Variants in NUPR1 observed in about 807,000 individuals in gnomAD.
NUPR1 encodes the protein nuclear protein 1.
In NUPR1, 8 loss-of-function variants were observed where a neutral mutation model predicts 7.3. That is an observed-to-expected ratio of 1.09 (90% CI 0.64 to 1.97). The LOEUF (loss-of-function observed/expected upper bound fraction) is 1.97. Among genes scored for constraint, NUPR1 ranks in the 30% most tolerant of loss-of-function variants. NUPR1 has a pLI of 0.00. For synonymous variants in NUPR1, 39 were observed against 44.5 expected (o/e 0.88, Z 0.49); for missense variants, 96 against 111.7 (o/e 0.86, Z 0.63).
At position 28,538,124 on chromosome 16, in the gene NUPR1, T is replaced by C. The variant is rs1401585135; in HGVS notation, c.144A>G (p.Arg48=). 1 of 1,614,150 alleles carries C rather than the reference T, an allele frequency of 6.2e-7. No individual in the cohort carries two copies. The highest frequency in any genetic ancestry group is 1.1e-5 in the South Asian group (1 of 91,082). ...GGCGGTTGGTGTTGGCAGCAGCTTC[T>C]CTCTTGGTGCGACCTTTCCGGCCTC... The part of the protein sequence containing the change: ...GGGGRKGRTK[R]EAAANTNRPS... Residue 48 remains arginine (R), a synonymous_variant, in exon 2 of 3, where the codon AGA becomes AGG. Coordinates refer to ENST00000324873, the MANE Select transcript of NUPR1 (RefSeq NM_012385.3).
In NUPR1 at chr16:28,535,966, C is replaced by T. The variant is rs1490374230; in HGVS notation, c.*1717G>A. 1 of 152,192 alleles carries T rather than the reference C, an allele frequency of 6.6e-6. No individual in the cohort carries two copies. Among genetic ancestry groups the T allele is most frequent in the Non-Finnish European group, 1.5e-5 (1 of 68,134 alleles). The allele number at this position is 152,192 out of a possible 1,614,324, so 9.4% of individuals were successfully genotyped here. A position where few individuals can be genotyped will look rare whatever the true frequency, so the allele number is the denominator to read the frequency against. Reference sequence around the variant, plus strand: ...CCTCAAGCGATCCTCCCTCCTTGGCCTCCCAAAGGCTGGAAGGCTGAGGTG... The same window carrying T: ...CCTCAAGCGATCCTCCCTCCTTGGCTTCCCAAAGGCTGGAAGGCTGAGGTG... On this transcript the variant is annotated 3_prime_UTR_variant, in exon 3 of 3. Coordinates refer to ENST00000324873, the MANE Select transcript of NUPR1 (RefSeq NM_012385.3).
In NUPR1 at chr16:28,535,603, T is replaced by TC. The variant is rs1491126552; in HGVS notation, c.*2079dup. 124 of 5,410 alleles carry TC rather than the reference T, an allele frequency of 0.023. 2 individuals carry two copies. The highest frequency in any genetic ancestry group is 0.049 in the Admixed American group (11 of 224). The allele number at this position is 5,410 out of a possible 1,614,324, so 0.3% of individuals were successfully genotyped here. A position where few individuals can be genotyped will look rare whatever the true frequency, so the allele number is the denominator to read the frequency against. On this transcript the variant is annotated 3_prime_UTR_variant, in exon 3 of 3. Coordinates refer to ENST00000324873, the MANE Select transcript of NUPR1 (RefSeq NM_012385.3). ...TTCTTTCTTTCTTTCTTTCTTTCTT[T>TC]CTTTCTTTCTTTCTTTCTTCTCTTT...
In NUPR1 at chr16:28,538,785, G is replaced by A. The variant is rs756810181; in HGVS notation, c.112+11C>T. On this transcript the variant is annotated intron_variant, in intron 1 of 2. Transcript: ENST00000324873. ...GAGGAAGGACCGTGGAGATGGCTGA[G>A]TGGGCCTTACCGAGGTAGGAATGGG... 1.3e-6 allele frequency: 2 copies of A among 1,594,888 alleles called. No individual in the cohort carries two copies. Among genetic ancestry groups the A allele is most frequent in the Non-Finnish European group, 1.7e-6 (2 of 1,165,286 alleles).
rs1406601108 is a variant in NUPR1 at position 28,535,544 on chromosome 16, C to CTTTCTTTCTTTCCTTCTTTCT, written c.*2138_*2139insAGAAAGAAGGAAAGAAAGAAA. On this transcript the variant is annotated 3_prime_UTR_variant, in exon 3 of 3. Coordinates refer to ENST00000324873, the MANE Select transcript of NUPR1 (RefSeq NM_012385.3). ...CTTTCTTTCTTTCTTTCTTTCTTTC[C>CTTTCTTTCTTTCCTTCTTTCT]TTCTTTCTTTCTTTCTTTCCTTCCT... The CTTTCTTTCTTTCCTTCTTTCT allele has an allele frequency of 1.7e-5, 1 of 58,120 alleles. No individual in the cohort carries two copies. The highest frequency in any genetic ancestry group is 3.6e-5 in the Non-Finnish European group (1 of 27,762). 3.6% of individuals were successfully genotyped at this position (58,120 alleles called of 1,614,324 possible).
In NUPR1 at chr16:28,538,935, C is replaced by G. The variant is rs761026601; in HGVS notation, c.-28G>C. On this transcript the variant is annotated 5_prime_UTR_variant, in exon 1 of 3. Transcript: ENST00000324873. ...TGCCTGGCTTGTCTTCCCTGCCTCT[C>G]TTCTTCTCCTAACGCTTTGTCTGTC... The G allele has an allele frequency of 3.2e-6, 5 of 1,575,312 alleles. No individual in the cohort carries two copies. The highest frequency in any genetic ancestry group is 2.0e-4 in the Middle Eastern group (1 of 5,062).
chr16:28,538,547 G>T, intron 1 of NUPR1: 1 of 631,304 alleles, frequency 1.6e-6, no homozygotes, highest in Non-Finnish European at 2.9e-6. Flanking sequence ...GTGTACACCT[G>T]AAGTTCCAGC....
chr16:28,535,551 C>CTTTG lies in NUPR1; in HGVS notation c.*2131_*2132insCAAA, dbSNP rs869272934. 2 of 32,890 alleles carry CTTTG rather than the reference C, an allele frequency of 6.1e-5. No homozygotes were observed. Among genetic ancestry groups the CTTTG allele is most frequent in the Non-Finnish European group, 1.5e-4 (2 of 12,938 alleles). 2.0% of individuals were successfully genotyped at this position (32,890 alleles called of 1,614,324 possible). ...TCTTTCTTTCTTTCTTTCCTTCTTT[C>CTTTG]TTTCTTTCTTTCCTTCCTTCCTTTC... On this transcript the variant is annotated 3_prime_UTR_variant, in exon 3 of 3. Transcript: ENST00000324873.
chr16:28,537,960 T>A, intron 2 of NUPR1, 46 bp downstream of exon 2: 1 of 1,515,218 alleles, frequency 6.6e-7, no homozygotes, highest in Non-Finnish European at 9.0e-7. Context: ...CTGTCCTTCA[T>A]GGCAGAAGCA....
chr16:28,534,522 C>T lies in NUPR1; in HGVS notation c.*3161G>A, dbSNP rs1002178380. On this transcript the variant is annotated 3_prime_UTR_variant, in exon 3 of 3. Coordinates refer to ENST00000324873, the MANE Select transcript of NUPR1 (RefSeq NM_012385.3). ...GGGCCCAATCTCAGAGTTTTCTCCC[C>T]CGACATCTGTTGAGTCTGCATGTGG... The T allele has an allele frequency of 2.0e-5, 3 of 152,234 alleles. No individual in the cohort carries two copies. Among genetic ancestry groups the T allele is most frequent in the Admixed American group, 6.6e-5 (1 of 15,260 alleles). 9.4% of individuals were successfully genotyped at this position (152,234 alleles called of 1,614,324 possible).
Position 28,535,253 on chromosome 16 carries a change from T to TCCTCCTTCCCTCCTTC in NUPR1, c.*2414_*2429dup. 1 of 152,118 alleles carries TCCTCCTTCCCTCCTTC rather than the reference T, an allele frequency of 6.6e-6. No individual in the cohort carries two copies. The highest frequency in any genetic ancestry group is 2.1e-4 in the South Asian group (1 of 4,830). 9.4% of individuals were successfully genotyped at this position (152,118 alleles called of 1,614,324 possible). A position where few individuals can be genotyped will look rare whatever the true frequency, so the allele number is the denominator to read the frequency against. On this transcript the variant is annotated 3_prime_UTR_variant, in exon 3 of 3. Transcript: ENST00000324873. ...TCCCTTAATATTTCCTTCCCTCCTT[T>TCCTCCTTCCCTCCTTC]CCTCCTTCCCTCCTTCCCTCCCTCC...
rs746645965 is a variant in NUPR1, at chr16:28,538,061, C to T, written c.207G>A (p.Lys69=). 1.2e-5 allele frequency: 20 copies of T among 1,614,050 alleles called. No individual in the cohort carries two copies. Among genetic ancestry groups the T allele is most frequent in the Non-Finnish European group, 1.7e-5 (20 of 1,180,040 alleles). The change falls in exon 2 of 3, where the codon AAG becomes AAA. Residue 69 remains lysine, a synonymous_variant. Transcript: ENST00000324873. ...GCTTCTTCCTCTCTGAATTCTGCAG[C>T]TTGGTCACCAGTTTCCTCTCGTGCC... The part of the protein sequence containing the change: ...PGGHERKLVT[K]LQNSERKKRG...
chr16:28,538,023 C>A lies in NUPR1; in HGVS notation c.245G>T (p.Arg82Leu), dbSNP rs776052143. ...NSERKKRGAR[R>L] Reference sequence around the variant, plus strand: ...CTCCTTACCTCCAGCTCTGTCTCAGCGCCGTGCCCCTCGCTTCTTCCTCTC... The same window carrying A: ...CTCCTTACCTCCAGCTCTGTCTCAGAGCCGTGCCCCTCGCTTCTTCCTCTC... The change falls in exon 2 of 3, where the codon CGC (arginine) becomes CTC (leucine). Residue 82 changes from arginine to leucine, a missense_variant. Transcript: ENST00000324873. The A allele has an allele frequency of 6.2e-7, 1 of 1,612,736 alleles. No individual in the cohort carries two copies. Among genetic ancestry groups the A allele is most frequent in the Non-Finnish European group, 8.5e-7 (1 of 1,179,294 alleles).
chr16:28,538,006 C>T lies in NUPR1; in HGVS notation c.*13G>A, dbSNP rs1027986242. ...CTCTCTGGGCCCCCCGACTCCTTAC[C>T]TCCAGCTCTGTCTCAGCGCCGTGCC... On this transcript the variant is annotated splice_region_variant and 3_prime_UTR_variant, in exon 2 of 3. Transcript: ENST00000324873. 2 of 1,609,538 alleles carry T rather than the reference C, an allele frequency of 1.2e-6. No individual in the cohort carries two copies. The highest frequency in any genetic ancestry group is 1.7e-6 in the Non-Finnish European group (2 of 1,177,230).
rs1244240251 is a variant in NUPR1 at position 28,535,575 on chromosome 16, T to TTTCTTTCCTTC, written c.*2107_*2108insGAAGGAAAGAA. ...TCTTTCTTTCTTTCCTTCCTTCCTTTCTTTCTTTCTTTCTTTCTTTCTTTC... is the reference window on the plus strand; with the variant it reads ...TCTTTCTTTCTTTCCTTCCTTCCTTTTTCTTTCCTTCCTTTCTTTCTTTCTTTCTTTCTTTC... On this transcript the variant is annotated 3_prime_UTR_variant, in exon 3 of 3. Transcript: ENST00000324873. 5 of 41,358 alleles carry TTTCTTTCCTTC rather than the reference T, an allele frequency of 1.2e-4. No homozygotes were observed. The highest frequency in any genetic ancestry group is 5.7e-4 in the African/African-American group (5 of 8,708). 2.6% of individuals were successfully genotyped at this position (41,358 alleles called of 1,614,324 possible).
At position 28,533,131 on chromosome 16, in the gene NUPR1, A is replaced by G. The variant is rs1462437461; in HGVS notation, c.*4552T>C. ...GGTGGCCCTATTCCTGGTTCCAGTC[A>G]TATCAGGATTCTATTTGTCCCTCTC... On this transcript the variant is annotated 3_prime_UTR_variant, in exon 3 of 3. Coordinates refer to ENST00000324873, the MANE Select transcript of NUPR1 (RefSeq NM_012385.3). The G allele has an allele frequency of 6.6e-6, 1 of 152,244 alleles. No individual in the cohort carries two copies. The highest frequency in any genetic ancestry group is 2.4e-5 in the African/African-American group (1 of 41,440). The allele number at this position is 152,244 out of a possible 1,614,324, so 9.4% of individuals were successfully genotyped here. A position where few individuals can be genotyped will look rare whatever the true frequency, so the allele number is the denominator to read the frequency against.
Position 28,534,679 on chromosome 16 carries a change from G to C in NUPR1, c.*3004C>G, listed in dbSNP as rs139634650. On this transcript the variant is annotated 3_prime_UTR_variant, in exon 3 of 3. Transcript: ENST00000324873. Reference sequence around the variant, plus strand: ...AATGCTACATTTCCCAACCTCTCTCGTAGTTGGGTGTGGCCATGTAGCCAC... The same window carrying C: ...AATGCTACATTTCCCAACCTCTCTCCTAGTTGGGTGTGGCCATGTAGCCAC... 3.9e-5 allele frequency: 6 copies of C among 152,282 alleles called. No homozygotes were observed. The East Asian group carries it at 7.7e-4, about 20-fold the overall frequency. 9.4% of individuals were successfully genotyped at this position (152,282 alleles called of 1,614,324 possible).
intron 1 of NUPR1, 166 bp from the exon 2 acceptor site, chr16:28,538,321 C>T: frequency 1.1e-6 from 1 of 929,040 alleles, no homozygotes; most frequent in Non-Finnish European, 1.6e-6. Context: ...AGGTCCCAGG[C>T]TGAGTAACAT....
chr16:28,535,699 C>T lies in NUPR1; in HGVS notation c.*1984G>A, dbSNP rs2046617582. The T allele has an allele frequency of 6.8e-6, 1 of 147,182 alleles. No individual in the cohort carries two copies. The highest frequency in any genetic ancestry group is 2.2e-4 in the South Asian group (1 of 4,606). The allele number at this position is 147,182 out of a possible 1,614,324, so 9.1% of individuals were successfully genotyped here. On this transcript the variant is annotated 3_prime_UTR_variant, in exon 3 of 3. Coordinates refer to ENST00000324873, the MANE Select transcript of NUPR1 (RefSeq NM_012385.3). ...CTTCCTTCCTTTCTTTTCCTTCCTT[C>T]CTTCTTTTTCTCTTTCTTTCTTTCT... is the stretch of plus-strand genomic sequence containing the variant.
chr16:28,534,193 G>C lies in NUPR1; in HGVS notation c.*3490C>G, dbSNP rs1164722955. 2 of 152,074 alleles carry C rather than the reference G, an allele frequency of 1.3e-5. No homozygotes were observed. Among genetic ancestry groups the C allele is most frequent in the African/African-American group, 4.8e-5 (2 of 41,408 alleles). 9.4% of individuals were successfully genotyped at this position (152,074 alleles called of 1,614,324 possible). On this transcript the variant is annotated 3_prime_UTR_variant, in exon 3 of 3. Coordinates refer to ENST00000324873, the MANE Select transcript of NUPR1 (RefSeq NM_012385.3). ...TGTAGCAAGTTCCCCCTCCATAGTGGTATTCAAACAAGCAGAGGCAATCCC... is the reference window on the plus strand; with the variant it reads ...TGTAGCAAGTTCCCCCTCCATAGTGCTATTCAAACAAGCAGAGGCAATCCC...
Sources: gnomAD v4.1 joint callset for allele counts on GRCh38, gnomAD v4.1.1 for gene constraint, MANE v1.5 for transcripts, NCBI Gene and HGNC (gene_info 2026-07-23, HGNC 2026-07-21) for gene names.